Variants in CEP170 observed in about 807,000 individuals in gnomAD.
CEP170 encodes centrosomal protein of 170 kDa.
A neutral mutation model predicts 151.9 loss-of-function variants in CEP170; 21 were observed. That is an observed-to-expected ratio of 0.14 (90% CI 0.10 to 0.20). CEP170 has a LOEUF of 0.20. Among genes scored for constraint, CEP170 ranks in the 10% least tolerant of loss-of-function variants. CEP170 has a pLI of 1.00. For synonymous variants in CEP170, 356 were observed against 648.8 expected, an observed-to-expected ratio of 0.55 and a Z score of 6.86; for missense variants, 964 against 1,892.9, an observed-to-expected ratio of 0.51 and a Z score of 9.11.
At chr1:243,164,174 A>T in intron 13 of CEP170, 110 bp downstream of exon 13, 1 of 1,266,700 alleles carries the variant, frequency 7.9e-7, no homozygotes, top group Non-Finnish European at 1.0e-6. Context: ...TTTTGTTTTG[A>T]ATGAGTATCT....
intron 7 of CEP170, among the ~76,000 whole-genome samples, chr1:243,196,481 ACTGTAAAT>A (rs768004761): frequency 3.3e-5 from 5 of 152,158 alleles, no homozygotes; most frequent in Non-Finnish European, 5.9e-5. Flanking sequence ...GTTAGCTATT[ACTGTAAAT>A]CATGGTTGTG....
chr1:243,146,796 T>C lies in CEP170; in HGVS notation c.3912-4333A>G, dbSNP rs2056548615. 2.6e-5 allele frequency among the ~76,000 whole-genome samples: 4 copies of C among 152,074 alleles called. No individual in the cohort carries two copies. The South Asian group carries it at 8.3e-4, about 32-fold the overall frequency. On this transcript the variant is annotated intron_variant, in intron 14 of 19. Transcript: ENST00000366542. Reference sequence around the variant, plus strand: ...ACTAGCACACAGAGGCGGTAAGAAGTCAAGTTAAAAAGTACACGAATGCAG... The same window carrying C: ...ACTAGCACACAGAGGCGGTAAGAAGCCAAGTTAAAAAGTACACGAATGCAG...
intron 14 of CEP170, among the ~76,000 whole-genome samples, chr1:243,147,544 C>A (rs1242445182): frequency 6.6e-6 from 1 of 152,070 alleles, no homozygotes; most frequent in African/African-American, 2.4e-5. Flanking sequence ...TATCTTAAAC[C>A]ATGACTTTCA....
In CEP170 at chr1:243,125,234, T is replaced by C. The variant is rs972284901; in HGVS notation, c.*1215A>G. On this transcript the variant is annotated 3_prime_UTR_variant, in exon 20 of 20. Coordinates refer to ENST00000366542, the MANE Select transcript of CEP170 (RefSeq NM_014812.3). ...ACTTTTCTTTTTAAAATTATCCAAA[T>C]GTGAACTTACTGGAAAGAGAAAAAA... The C allele has an allele frequency of 3.3e-5, 5 of 152,490 alleles. No individual in the cohort carries two copies. Among genetic ancestry groups the C allele is most frequent in the Admixed American group, 2.6e-4 (4 of 15,274 alleles). 9.4% of individuals were successfully genotyped at this position (152,490 alleles called of 1,614,324 possible). A position where few individuals can be genotyped will look rare whatever the true frequency, so the allele number is the denominator to read the frequency against.
intron 7 of CEP170, among the ~76,000 whole-genome samples, chr1:243,193,082 C>A (rs2060415635): frequency 6.6e-6 from 1 of 151,866 alleles, no homozygotes; most frequent in Admixed American, 6.6e-5. Flanking sequence ...TATGACATGA[C>A]CTAAGTTTAA....
intron 4 of CEP170, 158 bp downstream of exon 4, chr1:243,211,728 T>C: frequency 1.2e-6 from 1 of 813,086 alleles, no homozygotes; most frequent in Non-Finnish European, 1.9e-6. Context: ...ACAGGCATAA[T>C]AACTAAAAAT....
chr1:243,173,156 G>A (rs1441383808), intron 10 of CEP170, among the ~76,000 whole-genome samples: 1 of 151,876 alleles, frequency 6.6e-6, no homozygotes, highest in Non-Finnish European at 1.5e-5. Flanking sequence ...CGCCTCCCGG[G>A]TTCAAGAGGT....
At chr1:243,245,775 A>G (rs1004859669) in intron 1 of CEP170, among the ~76,000 whole-genome samples, 4 of 151,944 alleles carry the variant, frequency 2.6e-5, no homozygotes, top group African/African-American at 9.7e-5. Flanking sequence ...AAAACACAAA[A>G]AAGAAAAGAA....
chr1:243,156,598 C>A, intron 13 of CEP170, 143 bp from the exon 14 acceptor site: 2 of 656,098 alleles, frequency 3.0e-6, no homozygotes, highest in Non-Finnish European at 4.9e-6. Context: ...TCACAAAAAC[C>A]ATAAGTCTAC....
At chr1:243,199,813 G>T (rs1201139181) in intron 6 of CEP170, among the ~76,000 whole-genome samples, 1 of 151,708 alleles carries the variant, frequency 6.6e-6, no homozygotes, top group Non-Finnish European at 1.5e-5. Context: ...ATTTTATAAC[G>T]TGCCTAGAAT....
At chr1:243,233,464 T>A (rs2063945895) in intron 1 of CEP170, among the ~76,000 whole-genome samples, 1 of 152,088 alleles carries the variant, frequency 6.6e-6, no homozygotes, top group Non-Finnish European at 1.5e-5. Flanking sequence ...CCAGGCGCGG[T>A]GGCTCACGCC....
At chr1:243,151,844 C>A (rs2057110298) in intron 14 of CEP170, among the ~76,000 whole-genome samples, 1 of 152,190 alleles carries the variant, frequency 6.6e-6, no homozygotes, top group African/African-American at 2.4e-5. Flanking sequence ...TGCCCAGCTT[C>A]AAAGCTTCAA....
Position 243,165,961 on chromosome 1 carries a change from A to T in CEP170, c.1999T>A (p.Ser667Thr). Residue 667 changes from serine (S) to threonine (T), a missense_variant, in exon 13 of 20, where the codon TCA becomes ACA. Ser to Thr is a moderately conservative substitution (Grantham distance 58). Coordinates refer to ENST00000366542, the MANE Select transcript of CEP170 (RefSeq NM_014812.3). ...GTGTCTTGTTTTTCTCCTATCTCTG[A>T]CCTCTGTGTTACAACCTTTGCTCTG... ...SHRAKVVTQR[S>T]EIGEKQDTEL... 2.5e-6 allele frequency: 4 copies of T among 1,613,402 alleles called. No individual in the cohort carries two copies. Among genetic ancestry groups the T allele is most frequent in the Non-Finnish European group, 3.4e-6 (4 of 1,179,656 alleles).
At chr1:243,152,520 C>CTTT (rs1558429307) in intron 14 of CEP170, among the ~76,000 whole-genome samples, 4 of 63,534 alleles carry the variant, frequency 6.3e-5, no homozygotes, top group Middle Eastern at 0.013. Context: ...CGCGCCCAGC[C>CTTT]ATTTTTTTTT....
chr1:243,179,669 G>A (rs986723292), intron 10 of CEP170, among the ~76,000 whole-genome samples: 2 of 152,134 alleles, frequency 1.3e-5, no homozygotes, highest in African/African-American at 2.4e-5. Flanking sequence ...AATCTACAAC[G>A]AATCATACAC....
At chr1:243,130,148 A>T (rs2054226369) in intron 17 of CEP170, among the ~76,000 whole-genome samples, 3 of 152,176 alleles carry the variant, frequency 2.0e-5, no homozygotes, top group Admixed American at 2.0e-4. Flanking sequence ...ATGCAATTTT[A>T]TTCAGACAGA....
In CEP170 at chr1:243,251,422, A is replaced by C. The variant is rs534598271; in HGVS notation, c.-42+3618T>G. 1.2e-4 allele frequency among the ~76,000 whole-genome samples: 19 copies of C among 152,330 alleles called. No individual in the cohort carries two copies. The East Asian group carries it at 3.5e-3, about 28-fold the overall frequency. ...AGACAAAGGTTCAATTATAGGCCCT[A>C]TCACTTAGGAATGTGTAACGCAGAG... On this transcript the variant is annotated intron_variant, in intron 1 of 19. Coordinates refer to ENST00000366542, the MANE Select transcript of CEP170 (RefSeq NM_014812.3).
In CEP170 at chr1:243,165,919, C is replaced by T; in HGVS notation, c.2041G>A (p.Glu681Lys). 1 of 1,613,806 alleles carries T rather than the reference C, an allele frequency of 6.2e-7. No homozygotes were observed. Among genetic ancestry groups the T allele is most frequent in the Non-Finnish European group, 8.5e-7 (1 of 1,179,730 alleles). ...TTCTGGTATACCTGTGTAGGTGTTT[C>T]TTTCTCCTGAAGTTCTGTGTCTTGT... is the stretch of plus-strand genomic sequence containing the variant. ...EKQDTELQEKETPTQVYQKDK... is the reference protein window; with the variant it reads ...EKQDTELQEKKTPTQVYQKDK... The change falls in exon 13 of 20, where the codon GAA becomes AAA. Residue 681 changes from glutamate to lysine, a missense_variant. Transcript: ENST00000366542.
chr1:243,211,283 TAC>T (rs923647537), intron 4 of CEP170: 73 of 152,302 alleles, frequency 4.8e-4, no homozygotes, highest in African/African-American at 1.7e-3. Context: ...TGCAGTTTAA[TAC>T]AGTCATGTCC....
Sources: allele counts gnomAD v4.1 joint callset (sites outside exome capture counted in the v4.1 genomes callset), GRCh38; gene constraint gnomAD v4.1.1; transcripts MANE v1.5; gene names NCBI Gene and HGNC (gene_info 2026-07-23, HGNC 2026-07-21).